SLC16A7: variants seen among roughly 807,000 people sequenced by gnomAD.
SLC16A7 encodes the protein monocarboxylate transporter 2.
SLC16A7 carries 33 observed loss-of-function variants against 34.9 expected under a neutral mutation model. The observed-to-expected ratio is 0.94, with a 90% confidence interval of 0.72 to 1.26. The LOEUF (loss-of-function observed/expected upper bound fraction) is 1.26, where lower values mean the gene tolerates loss of function less well. Ranked by LOEUF, SLC16A7 falls within the 50% of genes most tolerant of loss-of-function variation. The pLI is 0.00. For missense variants in SLC16A7, 573 were observed against 578.1 expected, an observed-to-expected ratio of 0.99 and a Z score of 0.09; for synonymous variants, 201 against 206.6, an observed-to-expected ratio of 0.97 and a Z score of 0.23.
At chr12:59,597,222 T>TACACACACACACACAC (rs57912392) in intron 1 of SLC16A7, 7 of 134,558 alleles carry the variant, frequency 5.2e-5, no homozygotes, top group African/African-American at 8.5e-5. Flanking sequence ...ATTAAAATTT[T>TACACACACACACACAC]ACACACACAC....
chr12:59,761,311 C>T (rs1480962567), intron 3 of SLC16A7: 3 of 381,182 alleles, frequency 7.9e-6, no homozygotes, highest in Non-Finnish European at 1.4e-5. Context: ...GGTTAGGTTT[C>T]TAACTTTTCC....
At chr12:59,683,787 T>C (rs1870930939) in intron 2 of SLC16A7, among the ~76,000 whole-genome samples, 1 of 152,170 alleles carries the variant, frequency 6.6e-6, no homozygotes, top group Non-Finnish European at 1.5e-5. Flanking sequence ...GCCAACAATT[T>C]AACCTTTATG....
chr12:59,742,466 C>T (rs1028030273), intron 3 of SLC16A7, among the ~76,000 whole-genome samples: 10 of 152,148 alleles, frequency 6.6e-5, no homozygotes, highest in Middle Eastern at 3.2e-3. Context: ...TCATGCCTAA[C>T]AACCTGTAAC....
rs1055580923 is a variant in SLC16A7 at position 59,779,832 on chromosome 12, T to C, written c.*153T>C. Reference sequence around the variant, plus strand: ...ATTTTCCTCAATGGCAAATTTTAAATTAGTTTTTAAAAACTTACTTATTTG... The same window carrying C: ...ATTTTCCTCAATGGCAAATTTTAAACTAGTTTTTAAAAACTTACTTATTTG... On this transcript the variant is annotated 3_prime_UTR_variant, in exon 6 of 6. Transcript: ENST00000547379. 1.7e-6 allele frequency: 1 copy of C among 602,078 alleles called. No individual in the cohort carries two copies. The highest frequency in any genetic ancestry group is 1.9e-5 in the African/African-American group (1 of 52,952). The allele number at this position is 602,078 out of a possible 1,614,324, so 37.3% of individuals were successfully genotyped here.
chr12:59,663,835 A>G (rs1466493216), intron 2 of SLC16A7, among the ~76,000 whole-genome samples: 1 of 152,078 alleles, frequency 6.6e-6, no homozygotes, highest in Non-Finnish European at 1.5e-5. Flanking sequence ...AAATTTCTAG[A>G]GGTTATTTAT....
chr12:59,606,196 A>G (rs1878929279), intron 1 of SLC16A7, among the ~76,000 whole-genome samples: 1 of 152,206 alleles, frequency 6.6e-6, no homozygotes, highest in African/African-American at 2.4e-5. Flanking sequence ...TTCAAGATGG[A>G]TAAAATTCTA....
chr12:59,711,228 T>C (rs1157445848), intron 3 of SLC16A7, among the ~76,000 whole-genome samples: 1 of 152,208 alleles, frequency 6.6e-6, no homozygotes, highest in East Asian at 1.9e-4. Context: ...AGGGCACTAC[T>C]GTTCCCAGAA....
At chr12:59,661,701 A>C (rs1472627406) in intron 2 of SLC16A7, among the ~76,000 whole-genome samples, 1 of 152,104 alleles carries the variant, frequency 6.6e-6, no homozygotes. Flanking sequence ...GAATCCATTA[A>C]GATGGTAGAA....
At chr12:59,671,296 A>G (rs187353588) in intron 2 of SLC16A7, among the ~76,000 whole-genome samples, 47 of 152,216 alleles carry the variant, frequency 3.1e-4, no homozygotes, top group African/African-American at 1.1e-3. Flanking sequence ...TGGTTCAAAC[A>G]TAGAGCTTTA....
intron 2 of SLC16A7, among the ~76,000 whole-genome samples, chr12:59,699,141 C>A (rs1592522709): frequency 6.6e-6 from 1 of 151,272 alleles, no homozygotes; most frequent in East Asian, 1.9e-4. Flanking sequence ...GTATTTATAT[C>A]TTTGGCAAAT....
At chr12:59,637,666 G>T (rs1284002261) in intron 1 of SLC16A7, among the ~76,000 whole-genome samples, 3 of 151,976 alleles carry the variant, frequency 2.0e-5, no homozygotes, top group East Asian at 1.9e-4. Context: ...AAAGACCCAG[G>T]GAAAACCGTC....
intron 4 of SLC16A7, 132 bp from the exon 5 acceptor site, chr12:59,774,525 C>A (rs1882539587): frequency 1.9e-6 from 1 of 519,404 alleles, no homozygotes; most frequent in South Asian, 4.2e-5. Context: ...TTATAATAAT[C>A]AAAATGTACT....
Position 59,660,389 on chromosome 12 carries a change from G to A in SLC16A7, c.-31+5139G>A, listed in dbSNP as rs190680902. Among the ~76,000 whole-genome samples the A allele has an allele frequency of 3.6e-4, 55 of 152,014 alleles. No individual in the cohort carries two copies. The Middle Eastern group carries it at 0.01, about 28-fold the overall frequency. ...GCCATGGGACTTTAACTTCTAGGGC[G>A]TGGTTATGGCTTCTATAAACTGTCT... On this transcript the variant is annotated intron_variant, in intron 2 of 5. Coordinates refer to ENST00000547379, the MANE Select transcript of SLC16A7 (RefSeq NM_001270623.2).
chr12:59,760,719 AG>A (rs530653992), intron 3 of SLC16A7, among the ~76,000 whole-genome samples: 218 of 152,190 alleles, frequency 1.4e-3, no homozygotes, highest in African/African-American at 5.1e-3. Context: ...GGGCAAAGGA[AG>A]GATTCACATC....
At chr12:59,616,543 T>A (rs1302519984) in intron 1 of SLC16A7, among the ~76,000 whole-genome samples, 1 of 152,140 alleles carries the variant, frequency 6.6e-6, no homozygotes, top group African/African-American at 2.4e-5. Context: ...TGCAGTTGAT[T>A]TTTAAGTTAT....
intron 3 of SLC16A7, among the ~76,000 whole-genome samples, chr12:59,724,064 AT>A (rs1875947422): frequency 6.6e-6 from 1 of 152,064 alleles, no homozygotes; most frequent in Admixed American, 6.6e-5. Context: ...TATGATTTTA[AT>A]ATTTTAGATA....
chr12:59,725,969 G>A lies in SLC16A7; in HGVS notation c.217+20951G>A, dbSNP rs1173457225. On this transcript the variant is annotated intron_variant, in intron 3 of 5. Coordinates refer to ENST00000547379, the MANE Select transcript of SLC16A7 (RefSeq NM_001270623.2). ...GACTAAAATTGCCACATTGTGTTTA[G>A]TGTGTTCTCAGGAAGTCACAGACTG... Among the ~76,000 whole-genome samples the A allele has an allele frequency of 3.9e-5, 6 of 152,100 alleles. No homozygotes were observed. In the East Asian group the frequency reaches 5.8e-4, roughly 15 times the overall value.
intron 2 of SLC16A7, among the ~76,000 whole-genome samples, chr12:59,663,997 TC>T (rs1868994529): frequency 6.6e-6 from 1 of 152,044 alleles, no homozygotes; most frequent in Admixed American, 6.6e-5. Context: ...ATATTTCTCA[TC>T]CACTGATAGA....
chr12:59,725,751 T>C (rs1876158330), intron 3 of SLC16A7, among the ~76,000 whole-genome samples: 1 of 152,198 alleles, frequency 6.6e-6, no homozygotes, highest in Admixed American at 6.5e-5. Context: ...ATCACTGTCC[T>C]TAGTATTCTT....
Sources: gnomAD v4.1 joint callset for allele counts (sites outside exome capture counted in the v4.1 genomes callset) on GRCh38, gnomAD v4.1.1 for gene constraint, MANE v1.5 for transcripts, NCBI Gene and HGNC (gene_info 2026-07-23, HGNC 2026-07-21) for gene names.